Variants in HEXB observed in about 807,000 individuals in gnomAD.
HEXB encodes the protein beta-hexosaminidase subunit beta.
A neutral mutation model predicts 71.2 loss-of-function variants in HEXB; 51 were observed. The observed-to-expected ratio is 0.72, with a 90% CI of 0.57 to 0.90. HEXB has a LOEUF of 0.90. Among genes scored for constraint, HEXB ranks in the 40% least tolerant of loss-of-function variants. The pLI, the probability that HEXB is intolerant of heterozygous loss-of-function variation, is 0.00. For synonymous variants in HEXB, 266 were observed against 249.3 expected (o/e 1.07, Z -0.63); for missense variants, 617 against 677.0 (o/e 0.91, Z 0.98).
chr5:74,671,562 C>CA (rs1748540116), intron 1 of HEXB, among the ~76,000 whole-genome samples: 1 of 152,016 alleles, frequency 6.6e-6, no homozygotes, highest in Non-Finnish European at 1.5e-5. Context: ...GGGGAGATTG[C>CA]AAAAGGGCCT....
intron 1 of HEXB, among the ~76,000 whole-genome samples, chr5:74,674,354 G>A (rs569690002): frequency 2.7e-4 from 41 of 151,978 alleles, no homozygotes; most frequent in Admixed American, 6.5e-4. Flanking sequence ...CTGTAATCCC[G>A]GCACTTTGGG....
At position 74,641,357 on chromosome 5, in the gene HEXB, C is replaced by T. The variant is rs895814664; in HGVS notation, c.-377+799C>T. Reference sequence around the variant, plus strand: ...TGGCAGAGAGCCAAAGAGACTCCAGCCCCAGGCATTTCCTATGTGTCCTCC... The same window carrying T: ...TGGCAGAGAGCCAAAGAGACTCCAGTCCCAGGCATTTCCTATGTGTCCTCC... On this transcript the variant is annotated intron_variant, in intron 1 of 13. Coordinates refer to the HEXB transcript ENST00000511181. This position sits in a 1 kb window ranked among gnomAD's most constrained non-coding sequence, Gnocchi z 4.1. 4 of 152,422 alleles carry T rather than the reference C, an allele frequency of 2.6e-5. No homozygotes were observed. The highest frequency in any genetic ancestry group is 5.9e-5 in the Non-Finnish European group (4 of 68,216). 9.4% of individuals were successfully genotyped at this position (152,422 alleles called of 1,614,324 possible).
rs764475186 is a variant in HEXB at position 74,696,675 on chromosome 5, A to G, written c.512-18A>G. 2.3e-6 allele frequency: 3 copies of G among 1,293,282 alleles called. No homozygotes were observed. The highest frequency in any genetic ancestry group is 2.3e-5 in the East Asian group (1 of 43,184). The allele number at this position is 1,293,282 out of a possible 1,614,324, so 80.1% of individuals were successfully genotyped here. On this transcript the variant is annotated intron_variant, in intron 3 of 13. Transcript: ENST00000261416. ...TTGTTGATTTATAAATTAATGCAAT[A>G]AATTTTACTTTCCTCAGGTTTAGAG...
intron 5 of HEXB, among the ~76,000 whole-genome samples, chr5:74,702,849 G>A (rs1749296039): frequency 6.6e-6 from 1 of 152,212 alleles, no homozygotes; most frequent in African/African-American, 2.4e-5. Flanking sequence ...TCAGTGTAAG[G>A]TAGAGCAATC....
intron 1 of HEXB, among the ~76,000 whole-genome samples, chr5:74,667,658 G>T (rs1748457732): frequency 6.6e-6 from 1 of 152,198 alleles, no homozygotes; most frequent in Admixed American, 6.5e-5. Flanking sequence ...CTCGGGCTGG[G>T]CTTGCTGGGT....
chr5:74,689,456 T>C lies in HEXB; in HGVS notation c.428T>C (p.Ile143Thr), dbSNP rs1561215448. The change falls in exon 2 of 14, where the codon ATA becomes ACA. Residue 143 changes from isoleucine to threonine, a missense_variant. Coordinates refer to ENST00000261416, the MANE Select transcript of HEXB (RefSeq NM_000521.4). ...TCAGAGTGTGATGCTTTCCCCAACA[T>C]ATCTTCAGATGAGTCTTGTAAGTAC... ...LQSECDAFPNISSDESYTLLV... is the reference protein window; with the variant it reads ...LQSECDAFPNTSSDESYTLLV... 1 of 1,613,554 alleles carries C rather than the reference T, an allele frequency of 6.2e-7. No individual in the cohort carries two copies.
In HEXB at chr5:74,677,892, C is replaced by T. The variant is rs576248479; in HGVS notation, c.-376-11436C>T. Among the ~76,000 whole-genome samples the T allele has an allele frequency of 4.7e-5, 7 of 148,998 alleles. No homozygotes were observed. In the South Asian group the frequency reaches 8.4e-4, roughly 18 times the overall value. On this transcript the variant is annotated intron_variant, in intron 1 of 13. Transcript: ENST00000511181. ...TCTGAGTCTCCACAGTCCATTATAT[C>T]GCTCTGTATGTGGAAGGAAAAATTA...
Position 74,697,016 on chromosome 5 carries a change from C to T in HEXB, c.579C>T (p.Thr193=), listed in dbSNP as rs759224470. The stretch of plus-strand genomic sequence containing the variant: ...CATAGTTCACCATCAATGAATCCAC[C>T]ATTATTGATTCTCCAAGGTTTTCTC... The part of the protein sequence containing the change: ...SYGTFTINES[T]IIDSPRFSHR... Residue 193 remains threonine, a synonymous_variant, in exon 5 of 14, where the codon ACC becomes ACT. Coordinates refer to ENST00000261416, the MANE Select transcript of HEXB (RefSeq NM_000521.4). The T allele has an allele frequency of 1.9e-6, 3 of 1,559,912 alleles. No individual in the cohort carries two copies. The highest frequency in any genetic ancestry group is 8.8e-7 in the Non-Finnish European group (1 of 1,132,024).
At chr5:74,715,459 C>G in intron 7 of HEXB, 51 bp from the exon 8 acceptor site, 1 of 1,268,154 alleles carries the variant, frequency 7.9e-7, no homozygotes. Flanking sequence ...AAAACCAGAT[C>G]TTTATAATGA....
At chr5:74,702,067 C>CTTTTTTTTT (rs60295789) in intron 5 of HEXB, among the ~76,000 whole-genome samples, 1 of 60,554 alleles carries the variant, frequency 1.7e-5, no homozygotes, top group Non-Finnish European at 2.9e-5. Context: ...CTTTCCTTGT[C>CTTTTTTTTT]TTTTTTTTTT....
rs188957563 is a variant in HEXB, at chr5:74,676,764, A to G, written c.-376-12564A>G. Among the ~76,000 whole-genome samples the G allele has an allele frequency of 5.3e-3, 807 of 152,190 alleles. 11 individuals are homozygous for G. The highest frequency in any genetic ancestry group is 0.019 in the African/African-American group (770 of 41,542). On this transcript the variant is annotated intron_variant, in intron 1 of 13. Coordinates refer to the HEXB transcript ENST00000511181. ...CTTCATGACAGATGAGATTCTCTCA[A>G]AAAAAAGGGGAGCGGTGCGGGAAGG...
upstream of HEXB, among the ~76,000 whole-genome samples, chr5:74,683,821 CTTTTT>C (rs35751282): frequency 1.0e-4 from 14 of 135,802 alleles, no homozygotes; most frequent in Non-Finnish European, 1.2e-4. Flanking sequence ...TCTTTTCTTT[CTTTTT>C]TTTTTTTTTT....
chr5:74,719,615 A>C (rs1440749290), intron 11 of HEXB, among the ~76,000 whole-genome samples: 1 of 152,222 alleles, frequency 6.6e-6, no homozygotes, highest in Non-Finnish European at 1.5e-5. Context: ...AATGCATTTT[A>C]TGAGGACCAA....
intron 1 of HEXB, among the ~76,000 whole-genome samples, chr5:74,654,941 C>G (rs1748189589): frequency 6.6e-6 from 1 of 152,100 alleles, no homozygotes; most frequent in African/African-American, 2.4e-5. Context: ...AGATGGTGAG[C>G]TCAGGACCGC....
At chr5:74,657,496 G>A (rs936615332) in intron 1 of HEXB, among the ~76,000 whole-genome samples, 11 of 152,202 alleles carry the variant, frequency 7.2e-5, no homozygotes, top group South Asian at 2.1e-4. Flanking sequence ...ATTTTCCTTC[G>A]GAGCACTTAT....
intron 5 of HEXB, among the ~76,000 whole-genome samples, chr5:74,700,123 C>T (rs1045114318): frequency 5.4e-5 from 8 of 148,858 alleles, no homozygotes; most frequent in African/African-American, 9.9e-5. Context: ...TCTTGGACCT[C>T]AGCCTCCTGA....
chr5:74,694,966 T>C (rs1436409168), intron 3 of HEXB, among the ~76,000 whole-genome samples: 1 of 152,028 alleles, frequency 6.6e-6, no homozygotes, highest in Non-Finnish European at 1.5e-5. Context: ...CAAAACTCCA[T>C]CTCAAAAAAC....
chr5:74,706,890 A>G (rs1749409293), intron 6 of HEXB, among the ~76,000 whole-genome samples: 1 of 152,214 alleles, frequency 6.6e-6, no homozygotes, highest in Non-Finnish European at 1.5e-5. Context: ...ACAAAAAGAC[A>G]GCAGTAACCT....
At chr5:74,718,077 T>C (rs919957124) in intron 9 of HEXB, among the ~76,000 whole-genome samples, 7 of 152,184 alleles carry the variant, frequency 4.6e-5, no homozygotes, top group Admixed American at 2.6e-4. Context: ...CAAATGATTA[T>C]TAAACCCCCA....
Sources: gnomAD v4.1 joint callset for allele counts (sites outside exome capture counted in the v4.1 genomes callset) on GRCh38, gnomAD v4.1.1 for gene constraint, Gnocchi (gnomAD v3.1) non-coding constraint, MANE v1.5 for transcripts, NCBI Gene and HGNC (gene_info 2026-07-23, HGNC 2026-07-21) for gene names.